Variants in MTREX observed in about 807,000 individuals in gnomAD.
MTREX encodes Mtr4 exosome RNA helicase.
MTREX carries 76 observed loss-of-function variants against 135.4 expected under a neutral mutation model. That is an observed-to-expected ratio of 0.56 (90% CI 0.47 to 0.68). The LOEUF (loss-of-function observed/expected upper bound fraction) is 0.68. MTREX is among the 30% of genes least tolerant of loss of function. The probability of loss-of-function intolerance (pLI) is 0.00; values close to 1 mark genes in which losing one functional copy is unlikely to be tolerated. For synonymous variants in MTREX, 404 were observed against 401.6 expected, an observed-to-expected ratio of 1.01 and a Z score of -0.07; for missense variants, 920 against 1,262.1, an observed-to-expected ratio of 0.73 and a Z score of 4.11.
chr5:55,351,146 C>CTT, intron 13 of MTREX, 117 bp downstream of exon 13: 1 of 1,214,442 alleles, frequency 8.2e-7, no homozygotes, highest in Non-Finnish European at 1.1e-6. Flanking sequence ...AATGAAATGA[C>CTT]TTAAATAATG....
intron 5 of MTREX, among the ~76,000 whole-genome samples, chr5:55,334,634 G>A (rs1561189525): frequency 6.6e-6 from 1 of 152,024 alleles, no homozygotes; most frequent in African/African-American, 2.4e-5. Flanking sequence ...TCATAAATAT[G>A]TATTTGAGTG....
At chr5:55,382,987 T>C (rs1750420373) in intron 18 of MTREX, among the ~76,000 whole-genome samples, 1 of 152,228 alleles carries the variant, frequency 6.6e-6, no homozygotes, top group Admixed American at 6.5e-5. Flanking sequence ...TGTGTATATA[T>C]AGCTTTTGTT....
chr5:55,349,856 T>A (rs1182175768), intron 12 of MTREX, among the ~76,000 whole-genome samples: 1 of 152,230 alleles, frequency 6.6e-6, no homozygotes, highest in Non-Finnish European at 1.5e-5. Context: ...AAGGAACTTT[T>A]CTCTGAGAGC....
chr5:55,376,969 G>T (rs2112097430), intron 16 of MTREX, among the ~76,000 whole-genome samples: 1 of 152,074 alleles, frequency 6.6e-6, no homozygotes, highest in Non-Finnish European at 1.5e-5. Flanking sequence ...TACTCAGGAG[G>T]CTGAGGCAGG....
intron 19 of MTREX, among the ~76,000 whole-genome samples, chr5:55,397,015 A>G (rs143692483): frequency 6.3e-4 from 96 of 152,330 alleles, no homozygotes; most frequent in African/African-American, 2.2e-3. Flanking sequence ...CTGCCCATCC[A>G]GAACTTACAT....
At chr5:55,415,474 A>G (rs894910920) in intron 24 of MTREX, among the ~76,000 whole-genome samples, 12 of 152,230 alleles carry the variant, frequency 7.9e-5, no homozygotes, top group African/African-American at 2.9e-4. Flanking sequence ...TAGAACCAGC[A>G]AAGTCTTCAT....
At chr5:55,314,406 C>T (rs1749165934) in intron 1 of MTREX, among the ~76,000 whole-genome samples, 1 of 152,188 alleles carries the variant, frequency 6.6e-6, no homozygotes, top group Admixed American at 6.5e-5. Flanking sequence ...AATTCTGGAT[C>T]ATCCAGTTGG....
intron 18 of MTREX, among the ~76,000 whole-genome samples, chr5:55,379,967 G>T (rs149186623): frequency 2.0e-5 from 3 of 151,956 alleles, no homozygotes; most frequent in African/African-American, 7.2e-5. Context: ...ACGGAGTCTC[G>T]CTCTGTCGCC....
intron 6 of MTREX, among the ~76,000 whole-genome samples, chr5:55,341,258 A>G (rs866817469): frequency 3.9e-5 from 6 of 152,232 alleles, no homozygotes; most frequent in Admixed American, 2.0e-4. Context: ...AAAATGGGCA[A>G]ACAGTCAGGG....
chr5:55,423,192 G>C, intron 26 of MTREX: 3 of 543,308 alleles, frequency 5.5e-6, no homozygotes, highest in Non-Finnish European at 9.7e-6. Flanking sequence ...TTAATTGTAC[G>C]CTAACTACAT....
chr5:55,409,011 G>A (rs867012139), intron 22 of MTREX, among the ~76,000 whole-genome samples: 1 of 151,886 alleles, frequency 6.6e-6, no homozygotes, highest in South Asian at 2.1e-4. Context: ...GAATGCAGTG[G>A]CAAGATCATG....
chr5:55,321,598 C>T (rs1459358276), intron 1 of MTREX, among the ~76,000 whole-genome samples: 3 of 147,156 alleles, frequency 2.0e-5, no homozygotes, highest in African/African-American at 7.5e-5. Flanking sequence ...GTGTACCAAA[C>T]ATCTATTTTT....
At chr5:55,365,967 G>A (rs1750096531) in intron 15 of MTREX, among the ~76,000 whole-genome samples, 1 of 151,012 alleles carries the variant, frequency 6.6e-6, no homozygotes, top group African/African-American at 2.4e-5. Context: ...CTCCAGCCTG[G>A]GCTACACAGC....
chr5:55,376,834 C>T lies in MTREX; in HGVS notation c.1811-1480C>T, dbSNP rs113523928. The stretch of plus-strand genomic sequence containing the variant: ...CCTGTAATTCTAGCACTTTGGGAGG[C>T]CAAGGCAGGTGGATCACTTGAGGTC... On this transcript the variant is annotated intron_variant, in intron 16 of 26. Transcript: ENST00000230640. 5.8e-3 allele frequency among the ~76,000 whole-genome samples: 889 copies of T among 152,256 alleles called. 8 individuals are homozygous for T. The highest frequency in any genetic ancestry group is 0.021 in the African/African-American group (857 of 41,534).
At chr5:55,363,522 G>A (rs1457482067) in intron 15 of MTREX, among the ~76,000 whole-genome samples, 2 of 151,864 alleles carry the variant, frequency 1.3e-5, no homozygotes, top group African/African-American at 2.4e-5. Context: ...TACCTGTCTT[G>A]TTTCAGTTAA....
At position 55,324,193 on chromosome 5, in the gene MTREX, C is replaced by T; in HGVS notation, c.334C>T (p.His112Tyr). The T allele has an allele frequency of 6.2e-7, 1 of 1,607,472 alleles. No individual in the cohort carries two copies. Among genetic ancestry groups the T allele is most frequent in the Middle Eastern group, 1.7e-4 (1 of 6,054 alleles). The stretch of plus-strand genomic sequence containing the variant: ...AGTTGAAACTGTTGAAGGGTGTACA[C>T]ATGAGGTAAGCACAAACAGCATACA... Reference protein sequence around the residue: ...QSVETVEGCTHEVALPAEEDY... With the variant: ...QSVETVEGCTYEVALPAEEDY... The change falls in exon 3 of 27, where the codon CAT becomes TAT. Residue 112 changes from histidine to tyrosine, a missense_variant. This residue lies in a region of MTREX where 82 missense variants were observed against 107.4 expected (regional missense o/e 0.76). Coordinates refer to ENST00000230640, the MANE Select transcript of MTREX (RefSeq NM_015360.5).
chr5:55,402,854 G>A (rs968329025), intron 21 of MTREX, among the ~76,000 whole-genome samples: 1 of 55,046 alleles, frequency 1.8e-5, no homozygotes, highest in African/African-American at 5.0e-5. Context: ...GTGTATGTAT[G>A]TGTGTGTGTG....
At chr5:55,421,554 A>C (rs1373955101) in intron 25 of MTREX, among the ~76,000 whole-genome samples, 1 of 152,226 alleles carries the variant, frequency 6.6e-6, no homozygotes, top group East Asian at 1.9e-4. Context: ...TTTATTCTTT[A>C]TCTTAGTAAT....
At chr5:55,319,421 C>G (rs1056678224) in intron 1 of MTREX, among the ~76,000 whole-genome samples, 2 of 152,152 alleles carry the variant, frequency 1.3e-5, no homozygotes, top group Admixed American at 6.5e-5. Flanking sequence ...CCAAATTCCT[C>G]TATAGGTTAG....
Sources: allele counts gnomAD v4.1 joint callset (sites outside exome capture counted in the v4.1 genomes callset), GRCh38; gene constraint gnomAD v4.1.1; regional missense constraint gnomAD v4.1.1; transcripts MANE v1.5; gene names NCBI Gene and HGNC (gene_info 2026-07-23, HGNC 2026-07-21).